The following LIMCH1 variants were observed in gnomAD, a reference collection of about 807,000 sequenced individuals.
LIMCH1 encodes LIM and calponin homology domains 1.
LIMCH1 carries 113 observed loss-of-function variants against 176.5 expected under a neutral mutation model. The ratio of observed to expected loss-of-function variants is 0.64; its 90% confidence interval spans 0.55 to 0.75. The LOEUF (loss-of-function observed/expected upper bound fraction) is 0.75. LIMCH1 is among the 30% of genes least tolerant of loss of function. LIMCH1 has a pLI of 0.00. For synonymous variants in LIMCH1, 619 were observed against 645.9 expected, an observed-to-expected ratio of 0.96 and a Z score of 0.63; for missense variants, 1,674 against 1,814.9, an observed-to-expected ratio of 0.92 and a Z score of 1.41.
intron 1 of LIMCH1, among the ~76,000 whole-genome samples, chr4:41,494,336 CATACAT>C (rs948305069): frequency 2.0e-5 from 3 of 149,182 alleles, no homozygotes; most frequent in African/African-American, 7.4e-5. Context: ...TATATATACA[CATACAT>C]ATATATACAT....
intron 1 of LIMCH1, among the ~76,000 whole-genome samples, chr4:41,544,403 T>A (rs2152486990): frequency 6.6e-6 from 1 of 152,324 alleles, no homozygotes; most frequent in African/African-American, 2.4e-5. Flanking sequence ...AAGGTTTTTC[T>A]TGGCAAGACT....
chr4:41,468,351 T>TCCTCCCTC (rs1270962575), intron 1 of LIMCH1, among the ~76,000 whole-genome samples: 1 of 20,168 alleles, frequency 5.0e-5, no homozygotes, highest in African/African-American at 2.1e-4. Context: ...CCCCTCCTCC[T>TCCTCCCTC]CCTCCCTCCC....
intron 1 of LIMCH1, among the ~76,000 whole-genome samples, chr4:41,481,887 G>A (rs1012702351): frequency 1.3e-5 from 2 of 149,086 alleles, no homozygotes; most frequent in African/African-American, 5.0e-5. Context: ...GTCTCTCTCT[G>A]TCACCCAGGC....
intron 1 of LIMCH1, among the ~76,000 whole-genome samples, chr4:41,449,854 G>C (rs2063674567): frequency 1.3e-5 from 2 of 152,236 alleles, no homozygotes; most frequent in African/African-American, 2.4e-5. Context: ...AAAGCAGAGT[G>C]TTGGCAGGGT....
chr4:41,522,226 G>A (rs931254914), intron 2 of LIMCH1, among the ~76,000 whole-genome samples: 2 of 152,074 alleles, frequency 1.3e-5, no homozygotes, highest in African/African-American at 4.8e-5. Flanking sequence ...CTATTGAAAA[G>A]GGCATAGCTC....
intron 1 of LIMCH1, among the ~76,000 whole-genome samples, chr4:41,367,866 TAAAAAAA>T (rs750045066): frequency 1.1e-5 from 1 of 90,952 alleles, no homozygotes; most frequent in Admixed American, 1.2e-4. Context: ...GACTCCATCA[TAAAAAAA>T]AAAAAAAAAA....
chr4:41,545,885 A>G (rs991943772), intron 1 of LIMCH1, among the ~76,000 whole-genome samples: 3 of 152,034 alleles, frequency 2.0e-5, no homozygotes, highest in Non-Finnish European at 4.4e-5. Context: ...TTTTTTGGCC[A>G]TAGTTTACAT....
chr4:41,606,047 G>A, intron 4 of LIMCH1, 43 bp downstream of exon 4: 1 of 1,366,702 alleles, frequency 7.3e-7, no homozygotes, highest in Non-Finnish European at 1.0e-6. Context: ...GTTAGACAAG[G>A]TGGGAAAGCT....
intron 1 of LIMCH1, among the ~76,000 whole-genome samples, chr4:41,568,225 T>C (rs2083037583): frequency 6.6e-6 from 1 of 152,224 alleles, no homozygotes; most frequent in Non-Finnish European, 1.5e-5. Context: ...AAATGGTCAA[T>C]AGGATCCAGT....
At chr4:41,507,161 C>T (rs1325699352) in intron 2 of LIMCH1, among the ~76,000 whole-genome samples, 2 of 152,318 alleles carry the variant, frequency 1.3e-5, no homozygotes, top group African/African-American at 4.8e-5. Flanking sequence ...GGCGTGGGGC[C>T]AAGGGAATAG....
chr4:41,419,172 T>A (rs1368965853), intron 1 of LIMCH1, among the ~76,000 whole-genome samples: 1 of 85,182 alleles, frequency 1.2e-5, no homozygotes, highest in Non-Finnish European at 2.2e-5. Flanking sequence ...TATTTCATTT[T>A]ATTTTATTTA....
intron 1 of LIMCH1, among the ~76,000 whole-genome samples, chr4:41,405,474 C>G (rs2058865542): frequency 6.6e-6 from 1 of 152,118 alleles, no homozygotes; most frequent in Non-Finnish European, 1.5e-5. Context: ...TGATTAATCA[C>G]CGTCCCCTTG....
At chr4:41,392,084 A>G (rs889393864) in intron 1 of LIMCH1, among the ~76,000 whole-genome samples, 4 of 152,162 alleles carry the variant, frequency 2.6e-5, no homozygotes, top group African/African-American at 7.2e-5. Flanking sequence ...GAAGATTAAC[A>G]TGTCAGGTTT....
At chr4:41,527,034 A>G (rs940828794) in intron 3 of LIMCH1, among the ~76,000 whole-genome samples, 2 of 152,236 alleles carry the variant, frequency 1.3e-5, no homozygotes, top group Non-Finnish European at 2.9e-5. Context: ...TGACAAAATT[A>G]TATTTGTCCA....
chr4:41,405,616 T>C (rs1255178286), intron 1 of LIMCH1, among the ~76,000 whole-genome samples: 2 of 152,104 alleles, frequency 1.3e-5, no homozygotes, highest in Non-Finnish European at 2.9e-5. Flanking sequence ...CCATTACCCC[T>C]CCTCTCACCC....
chr4:41,382,740 G>A (rs1183716331), intron 1 of LIMCH1, among the ~76,000 whole-genome samples: 1 of 152,168 alleles, frequency 6.6e-6, no homozygotes, highest in Non-Finnish European at 1.5e-5. Context: ...AACACTCAGG[G>A]AAGTCTTTTT....
At chr4:41,482,697 C>A (rs2068852301) in intron 1 of LIMCH1, among the ~76,000 whole-genome samples, 1 of 152,106 alleles carries the variant, frequency 6.6e-6, no homozygotes, top group South Asian at 2.1e-4. Context: ...AGATCCATGG[C>A]AATTTTATTA....
intron 4 of LIMCH1, among the ~76,000 whole-genome samples, chr4:41,607,308 C>T (rs2090860653): frequency 6.6e-6 from 1 of 152,206 alleles, no homozygotes; most frequent in Non-Finnish European, 1.5e-5. Context: ...GATAGTTCTT[C>T]ACATTTGGCT....
intron 1 of LIMCH1, among the ~76,000 whole-genome samples, chr4:41,477,458 G>C (rs1468645175): frequency 6.6e-6 from 1 of 152,162 alleles, no homozygotes; most frequent in Non-Finnish European, 1.5e-5. Flanking sequence ...ACCACACCGG[G>C]TGCTGAGGAG....
Sources: allele counts gnomAD v4.1 joint callset (sites outside exome capture counted in the v4.1 genomes callset), GRCh38; gene constraint gnomAD v4.1.1; transcripts MANE v1.5; gene names NCBI Gene and HGNC (gene_info 2026-07-23, HGNC 2026-07-21).